The following DEPDC7 variants were observed in gnomAD, a reference collection of about 807,000 sequenced individuals.
DEPDC7 encodes the protein DEP domain containing 7.
In DEPDC7, 41 loss-of-function variants were observed where a neutral mutation model predicts 56.6. The observed-to-expected ratio is 0.72, with a 90% CI of 0.56 to 0.94. DEPDC7 has a LOEUF of 0.94. Among genes scored for constraint, DEPDC7 ranks in the 40% least tolerant of loss-of-function variants. The pLI is 0.00. For missense variants in DEPDC7, 522 were observed against 596.3 expected (o/e 0.88, Z 1.30); for synonymous variants, 185 against 208.8 (o/e 0.89, Z 0.98).
intron 4 of DEPDC7, among the ~76,000 whole-genome samples, chr11:33,030,015 A>G (rs1853615935): frequency 6.6e-6 from 1 of 152,014 alleles, no homozygotes; most frequent in South Asian, 2.1e-4. Context: ...GCTGGAGTGC[A>G]GTGGCATGAT....
At chr11:33,018,708 C>T (rs538327384) in intron 1 of DEPDC7, among the ~76,000 whole-genome samples, 2 of 152,270 alleles carry the variant, frequency 1.3e-5, no homozygotes, top group African/African-American at 4.8e-5. Context: ...GTCCATTTGT[C>T]ATAATTAATG....
chr11:33,032,729 T>C lies in DEPDC7; in HGVS notation c.1199T>C (p.Leu400Ser). ...AAAGCTATTGTTGACAATAAAAATTTATCCAAAGGCAAAACAGATCTTCTG... is the reference window on the plus strand; with the variant it reads ...AAAGCTATTGTTGACAATAAAAATTCATCCAAAGGCAAAACAGATCTTCTG... Reference protein sequence around the residue: ...FSKAIVDNKNLSKGKTDLLVL... With the variant: ...FSKAIVDNKNSSKGKTDLLVL... The change falls in exon 7 of 9, where the codon TTA becomes TCA. Residue 400 changes from leucine to serine, a missense_variant. By Grantham distance (145) the Leu-to-Ser change is moderately radical. Transcript: ENST00000241051. 1 of 1,608,374 alleles carries C rather than the reference T, an allele frequency of 6.2e-7. No individual in the cohort carries two copies. Among genetic ancestry groups the C allele is most frequent in the Non-Finnish European group, 8.5e-7 (1 of 1,177,480 alleles).
At chr11:33,022,176 C>G (rs1047527768) in intron 1 of DEPDC7, among the ~76,000 whole-genome samples, 2 of 152,172 alleles carry the variant, frequency 1.3e-5, no homozygotes, top group Non-Finnish European at 2.9e-5. Context: ...CTGTCTTACC[C>G]TGTGTACTGT....
chr11:33,028,195 T>C (rs1185191241), intron 3 of DEPDC7: 4 of 195,484 alleles, frequency 2.0e-5, no homozygotes, highest in Non-Finnish European at 4.1e-5. Flanking sequence ...AGCAATGGAA[T>C]ATAGTTTAAT....
intron 1 of DEPDC7, among the ~76,000 whole-genome samples, chr11:33,019,903 A>C (rs1340038514): frequency 6.7e-6 from 1 of 148,326 alleles, no homozygotes. Context: ...TTTTAAGTCC[A>C]GTCTAAAGAC....
intron 1 of DEPDC7, among the ~76,000 whole-genome samples, chr11:33,021,244 C>A: frequency 7.1e-6 from 1 of 140,954 alleles, no homozygotes. Context: ...AGTGAGACAC[C>A]ATCTCAAAAA....
At chr11:33,024,923 A>AT (rs937054029) in intron 1 of DEPDC7, among the ~76,000 whole-genome samples, 5 of 152,118 alleles carry the variant, frequency 3.3e-5, no homozygotes, top group African/African-American at 1.2e-4. Context: ...TGGAAGTGCC[A>AT]TGTAACCTCT....
Position 33,015,910 on chromosome 11 carries a change from G to A in DEPDC7, c.-46G>A, listed in dbSNP as rs950425162. The A allele has an allele frequency of 1.9e-5, 29 of 1,532,404 alleles. No individual in the cohort carries two copies. The highest frequency in any genetic ancestry group is 4.2e-5 in the African/African-American group (3 of 71,516). The allele number at this position is 1,532,404 out of a possible 1,614,324, so 94.9% of individuals were successfully genotyped here. A position where few individuals can be genotyped will look rare whatever the true frequency, so the allele number is the denominator to read the frequency against. ...ACAGACGGGCGCTCAGGGAGCTAGG[G>A]AGCTGTGAAGCTGCTGGAGGAGTTG... On this transcript the variant is annotated 5_prime_UTR_variant, in exon 1 of 9. Transcript: ENST00000241051.
chr11:33,022,377 T>C (rs1853532273), intron 1 of DEPDC7, among the ~76,000 whole-genome samples: 2 of 152,340 alleles, frequency 1.3e-5, no homozygotes, highest in African/African-American at 4.8e-5. Context: ...TGACTTTTCA[T>C]ATATTTATGT....
At chr11:33,028,269 C>G in intron 3 of DEPDC7, 1 of 219,248 alleles carries the variant, frequency 4.6e-6, no homozygotes, top group Non-Finnish European at 8.8e-6. Context: ...TAATCTGCAA[C>G]CAATAGTTTC....
rs1196081013 is a variant in DEPDC7 at position 33,031,411 on chromosome 11, T to G, written c.816T>G (p.Cys272Trp). The G allele has an allele frequency of 6.2e-7, 1 of 1,614,174 alleles. No homozygotes were observed. The highest frequency in any genetic ancestry group is 1.1e-5 in the South Asian group (1 of 91,080). Reference sequence around the variant, plus strand: ...AGTGGCTCTCGGCAGCAATTGACTGTTTAGAATACCTTCCAGACCAAATGG... The same window carrying G: ...AGTGGCTCTCGGCAGCAATTGACTGGTTAGAATACCTTCCAGACCAAATGG... ...EDEWLSAAID[C>W]LEYLPDQMVV... Residue 272 changes from cysteine to tryptophan, a missense_variant, in exon 5 of 9, where the codon TGT (cysteine) becomes TGG (tryptophan). Cys to Trp is a radical substitution (Grantham distance 215). Transcript: ENST00000241051.
chr11:33,030,452 C>CGATAGATAGATAGATAGATAGATA lies in DEPDC7; in HGVS notation c.783-925_783-902dup, dbSNP rs61268969. Among the ~76,000 whole-genome samples, 603 of 150,854 alleles carry CGATAGATAGATAGATAGATAGATA rather than the reference C, an allele frequency of 4.0e-3. 1 individual carries two copies. Among genetic ancestry groups the CGATAGATAGATAGATAGATAGATA allele is most frequent in the African/African-American group, 0.013 (542 of 40,926 alleles). On this transcript the variant is annotated intron_variant, in intron 4 of 8. Coordinates refer to ENST00000241051, the MANE Select transcript of DEPDC7 (RefSeq NM_001077242.2). ...GAGGACATGATTGATTGCTTTTTAA[C>CGATAGATAGATAGATAGATAGATA]GATAGATAGATAGATAGATAGATAT...
intron 1 of DEPDC7, among the ~76,000 whole-genome samples, chr11:33,024,648 A>G (rs944401639): frequency 1.3e-5 from 2 of 152,234 alleles, no homozygotes; most frequent in African/African-American, 2.4e-5. Flanking sequence ...GCTGTAAGCA[A>G]TTGTAACACA....
intron 1 of DEPDC7, among the ~76,000 whole-genome samples, chr11:33,024,773 A>G (rs1853559905): frequency 6.7e-6 from 1 of 149,246 alleles, no homozygotes; most frequent in African/African-American, 2.5e-5. Flanking sequence ...TCCATCGTTG[A>G]CAGAAATGTT....
At position 33,033,464 on chromosome 11, in the gene DEPDC7, T is replaced by C; in HGVS notation, c.*9T>C. The C allele has an allele frequency of 6.6e-7, 1 of 1,515,652 alleles. No individual in the cohort carries two copies. The highest frequency in any genetic ancestry group is 1.2e-5 in the South Asian group (1 of 80,224). The allele number at this position is 1,515,652 out of a possible 1,614,324, so 93.9% of individuals were successfully genotyped here. On this transcript the variant is annotated 3_prime_UTR_variant, in exon 9 of 9. Coordinates refer to ENST00000241051, the MANE Select transcript of DEPDC7 (RefSeq NM_001077242.2). ...AGCATTTTGGAGACTGAGTTTTTAATATCTGTATATAAGTTGTGTATTTTA... is the reference window on the plus strand; with the variant it reads ...AGCATTTTGGAGACTGAGTTTTTAACATCTGTATATAAGTTGTGTATTTTA...
intron 8 of DEPDC7, 111 bp downstream of exon 8, chr11:33,033,078 T>C (rs1378413167): frequency 2.0e-6 from 2 of 1,010,928 alleles, no homozygotes; most frequent in East Asian, 5.0e-5. Flanking sequence ...ATTTAAAACA[T>C]TCTCCTCAGA....
intron 5 of DEPDC7, 21 bp downstream of exon 5, chr11:33,031,610 T>C (rs1853634316): frequency 6.4e-7 from 1 of 1,571,788 alleles, no homozygotes. Flanking sequence ...TCTAACTGGA[T>C]ACTAGCATTT....
chr11:33,021,630 G>A (rs1853525529), intron 1 of DEPDC7, among the ~76,000 whole-genome samples: 1 of 152,198 alleles, frequency 6.6e-6, no homozygotes, highest in South Asian at 2.1e-4. Context: ...CATTGTGTAT[G>A]AAAGCATCTG....
At chr11:33,020,119 T>A (rs990750117) in intron 1 of DEPDC7, among the ~76,000 whole-genome samples, 1 of 152,178 alleles carries the variant, frequency 6.6e-6, no homozygotes, top group African/African-American at 2.4e-5. Context: ...ACAGTAGGAC[T>A]AGGGTTGCTG....
Sources: gnomAD v4.1 joint callset for allele counts (sites outside exome capture counted in the v4.1 genomes callset) on GRCh38, gnomAD v4.1.1 for gene constraint, MANE v1.5 for transcripts, NCBI Gene and HGNC (gene_info 2026-07-23, HGNC 2026-07-21) for gene names.